IGSF21: variants seen among roughly 807,000 people sequenced by gnomAD.
The protein encoded by IGSF21 is immunoglobulin superfamily member 21.
IGSF21 carries 28 observed loss-of-function variants against 46.8 expected under a neutral mutation model. The observed-to-expected ratio is 0.60, with a 90% confidence interval of 0.44 to 0.82. The LOEUF is 0.82. Ranked by LOEUF, IGSF21 falls within the 40% of genes least tolerant of loss-of-function variation. The pLI, the probability that IGSF21 is intolerant of heterozygous loss-of-function variation, is 0.00. For synonymous variants in IGSF21, 284 were observed against 273.6 expected (o/e 1.04, Z -0.38); for missense variants, 624 against 665.5 (o/e 0.94, Z 0.69).
intron 2 of IGSF21, among the ~76,000 whole-genome samples, chr1:18,258,981 T>C (rs1452245478): frequency 6.6e-6 from 1 of 152,196 alleles, no homozygotes; most frequent in Admixed American, 6.5e-5. Flanking sequence ...AGCCCTTTTT[T>C]CCCTCTCTCT....
chr1:18,371,072 T>G (rs2124636933), intron 6 of IGSF21, among the ~76,000 whole-genome samples: 1 of 152,350 alleles, frequency 6.6e-6, no homozygotes, highest in Admixed American at 6.5e-5. Flanking sequence ...CACTCCTAGG[T>G]ATTTACCCAA....
At chr1:18,362,956 G>A (rs2086118002) in intron 5 of IGSF21, among the ~76,000 whole-genome samples, 1 of 152,138 alleles carries the variant, frequency 6.6e-6, no homozygotes, top group Non-Finnish European at 1.5e-5. Flanking sequence ...CTCTGTTTCT[G>A]CAAGGAAGTT....
chr1:18,275,897 C>T (rs2085095828), intron 2 of IGSF21, among the ~76,000 whole-genome samples: 1 of 152,158 alleles, frequency 6.6e-6, no homozygotes, highest in Non-Finnish European at 1.5e-5. Flanking sequence ...CTCCTTTGCC[C>T]CCTTCCCTTT....
intron 2 of IGSF21, among the ~76,000 whole-genome samples, chr1:18,260,146 A>G (rs1569657097): frequency 6.6e-6 from 1 of 152,336 alleles, no homozygotes; most frequent in Admixed American, 6.5e-5. Flanking sequence ...TCATGGCTGG[A>G]GAAGCACGCA....
intron 1 of IGSF21, among the ~76,000 whole-genome samples, chr1:18,139,562 A>T (rs1431408793): frequency 6.6e-6 from 1 of 152,180 alleles, no homozygotes; most frequent in Non-Finnish European, 1.5e-5. Flanking sequence ...TCAGGTCAGG[A>T]ATGGACCACT....
chr1:18,229,242 G>C (rs1191528437), intron 2 of IGSF21, among the ~76,000 whole-genome samples: 1 of 152,068 alleles, frequency 6.6e-6, no homozygotes, highest in African/African-American at 2.4e-5. Flanking sequence ...GAAGGTGGGG[G>C]GTGGGCACCA....
At chr1:18,143,120 G>A (rs550927562) in intron 1 of IGSF21, among the ~76,000 whole-genome samples, 1 of 152,360 alleles carries the variant, frequency 6.6e-6, no homozygotes, top group South Asian at 2.1e-4. Flanking sequence ...CAGCTTCCAA[G>A]GCTCCCGCAG....
intron 3 of IGSF21, among the ~76,000 whole-genome samples, chr1:18,333,147 T>C (rs552749): frequency 0.62 from 94,503 of 151,990 alleles, 30,035 homozygotes; most frequent in African/African-American, 0.76. Flanking sequence ...GCTGCTCTTT[T>C]GTGTCCCCAG....
intron 1 of IGSF21, among the ~76,000 whole-genome samples, chr1:18,192,949 T>A (rs979547095): frequency 5.9e-5 from 9 of 151,958 alleles, no homozygotes; most frequent in African/African-American, 1.9e-4. Flanking sequence ...GCGCTGAGGA[T>A]CTGGGGTGAA....
rs183577264 is a variant in IGSF21, at chr1:18,365,526, G to A, written c.844G>A (p.Glu282Lys). 1.7e-5 allele frequency: 28 copies of A among 1,613,936 alleles called. No homozygotes were observed. Among genetic ancestry groups the A allele is most frequent in the South Asian group, 4.4e-5 (4 of 91,064 alleles). ...REFPRWVHSA[E>K]PTYFLRHSRT... is the part of the protein sequence containing the mutation. ...GTTTCCCCGCTGGGTCCACAGCGCC[G>A]AGCCCACCTACTTCCTGCGCCACAG... The change falls in exon 6 of 10, where the codon GAG becomes AAG. Residue 282 changes from glutamate (E) to lysine (K), a missense_variant. Coordinates refer to ENST00000251296, the MANE Select transcript of IGSF21 (RefSeq NM_032880.5). The surrounding 1 kb of genome is among the most constrained non-coding windows in gnomAD (Gnocchi z 4.8).
At chr1:18,315,955 C>T (rs1557640155) in intron 3 of IGSF21, among the ~76,000 whole-genome samples, 1 of 152,082 alleles carries the variant, frequency 6.6e-6, no homozygotes, top group East Asian at 1.9e-4. Flanking sequence ...GTAGAAGCCT[C>T]CAGCATATGC....
Position 18,322,368 on chromosome 1 carries a change from C to G in IGSF21, c.306-12524C>G, listed in dbSNP as rs897129060. 6.6e-6 allele frequency among the ~76,000 whole-genome samples: 1 copy of G among 152,110 alleles called. No homozygotes were observed. The highest frequency in any genetic ancestry group is 1.5e-5 in the Non-Finnish European group (1 of 68,038). On this transcript the variant is annotated intron_variant, in intron 3 of 9. Coordinates refer to ENST00000251296, the MANE Select transcript of IGSF21 (RefSeq NM_032880.5). This position sits in a 1 kb window ranked among gnomAD's most constrained non-coding sequence, Gnocchi z 4.3. ...GCCACCTTCCACGCCCGTCTTCCCTCTTCTGGTGGAGGCAGGCTTGGTTCC... is the reference window on the plus strand; with the variant it reads ...GCCACCTTCCACGCCCGTCTTCCCTGTTCTGGTGGAGGCAGGCTTGGTTCC...
chr1:18,354,994 G>A (rs1421445438), intron 4 of IGSF21, among the ~76,000 whole-genome samples: 1 of 152,184 alleles, frequency 6.6e-6, no homozygotes. Context: ...AGGCTGGCAG[G>A]GTATGTCTTA....
intron 1 of IGSF21, among the ~76,000 whole-genome samples, chr1:18,124,675 G>A (rs2086260832): frequency 6.6e-6 from 1 of 152,196 alleles, no homozygotes; most frequent in African/African-American, 2.4e-5. Context: ...TGCCTCGGCA[G>A]TCACTGGATG....
chr1:18,188,002 C>T (rs571859282), intron 1 of IGSF21, among the ~76,000 whole-genome samples: 2 of 152,028 alleles, frequency 1.3e-5, no homozygotes, highest in African/African-American at 2.4e-5. Flanking sequence ...CTGGAGGTCC[C>T]CCCTAGATTT....
In IGSF21 at chr1:18,225,085, T is replaced by TCTCACACACACACA; in HGVS notation, c.71-2812_71-2811insTCACACACACACAC. 1.9e-4 allele frequency among the ~76,000 whole-genome samples: 10 copies of TCTCACACACACACA among 51,578 alleles called. 1 individual carries two copies. The highest frequency in any genetic ancestry group is 6.4e-4 in the African/African-American group (9 of 14,158). The allele number at this position is 51,578 out of a possible 152,430, so 33.8% of individuals were successfully genotyped here. A position where few individuals can be genotyped will look rare whatever the true frequency, so the allele number is the denominator to read the frequency against. On this transcript the variant is annotated intron_variant, in intron 1 of 9. Coordinates refer to ENST00000251296, the MANE Select transcript of IGSF21 (RefSeq NM_032880.5). ...GTATCTCTCTCTCTCTCTCTCTCTC[T>TCTCACACACACACA]CACACACACACACACACACACACAC... is the stretch of plus-strand genomic sequence containing the variant.
At position 18,223,991 on chromosome 1, in the gene IGSF21, C is replaced by T. The variant is rs185001206; in HGVS notation, c.71-3907C>T. Among the ~76,000 whole-genome samples, 7 of 152,340 alleles carry T rather than the reference C, an allele frequency of 4.6e-5. No homozygotes were observed. In the East Asian group the frequency reaches 1.4e-3, roughly 29 times the overall value. On this transcript the variant is annotated intron_variant, in intron 1 of 9. Transcript: ENST00000251296. ...GGAATGGAAGACACAGTCACTCCTG[C>T]CTCGGTTTACAGTGGTGTTTCCCGA...
chr1:18,291,968 G>T lies in IGSF21; in HGVS notation c.286G>T (p.Val96Leu). The T allele has an allele frequency of 2.5e-6, 4 of 1,614,018 alleles. No homozygotes were observed. Among genetic ancestry groups the T allele is most frequent in the Non-Finnish European group, 3.4e-6 (4 of 1,179,994 alleles). The change falls in exon 3 of 10, where the codon GTG becomes TTG. Residue 96 changes from valine to leucine, a missense_variant. Val to Leu is a conservative substitution (Grantham distance 32). Transcript: ENST00000251296. ...MENYRKREDL[V>L]YQSTVRLPEV... is the part of the protein sequence containing the mutation. ...GAACTACCGCAAGCGAGAGGACCTG[G>T]TGTACCAGTCCACTGTGAGGTGAGT...
In IGSF21 at chr1:18,243,327, C is replaced by T. The variant is rs148524075; in HGVS notation, c.183+15317C>T. Among the ~76,000 whole-genome samples, 531 of 152,196 alleles carry T rather than the reference C, an allele frequency of 3.5e-3. 1 individual carries two copies. Among genetic ancestry groups the T allele is most frequent in the Non-Finnish European group, 5.8e-3 (392 of 68,006 alleles). ...CATCACCATCCACCAGTTTCCGAAG[C>T]GAAAAATCTAGGGCGTCTCTCCTAT... is the stretch of plus-strand genomic sequence containing the variant. On this transcript the variant is annotated intron_variant, in intron 2 of 9. Transcript: ENST00000251296.
Sources: gnomAD v4.1 joint callset for allele counts (sites outside exome capture counted in the v4.1 genomes callset) on GRCh38, gnomAD v4.1.1 for gene constraint, Gnocchi (gnomAD v3.1) non-coding constraint, MANE v1.5 for transcripts, NCBI Gene and HGNC (gene_info 2026-07-23, HGNC 2026-07-21) for gene names.